AFF3: variants seen among roughly 807,000 people sequenced by gnomAD.
AFF3 encodes ALF transcription elongation factor 3, also known as AF4/FMR2 family member 3.
Under a neutral mutation model 129.7 loss-of-function variants are expected in AFF3, and 32 were observed. That is an observed-to-expected ratio of 0.25 (90% confidence interval 0.19 to 0.33). AFF3 has a LOEUF of 0.33. Ranked by LOEUF, AFF3 falls within the 10% of genes least tolerant of loss-of-function variation. AFF3 has a pLI of 1.00. For missense variants in AFF3, 1,373 were observed against 1,592.0 expected, an observed-to-expected ratio of 0.86 and a Z score of 2.34; for synonymous variants, 644 against 635.4, an observed-to-expected ratio of 1.01 and a Z score of -0.20.
chr2:99,795,178 C>A (rs148976441), intron 8 of AFF3, among the ~76,000 whole-genome samples: 2 of 152,236 alleles, frequency 1.3e-5, no homozygotes, highest in African/African-American at 4.8e-5. Flanking sequence ...CATATAAACA[C>A]ACACACACAC....
intron 2 of AFF3, among the ~76,000 whole-genome samples, chr2:100,122,812 C>T (rs911056456): frequency 2.6e-5 from 4 of 152,194 alleles, no homozygotes; most frequent in Admixed American, 1.3e-4. Context: ...CAATGAGAGA[C>T]TCTGAGAATA....
intron 4 of AFF3, among the ~76,000 whole-genome samples, chr2:100,064,757 G>T (rs1416173887): frequency 6.6e-6 from 1 of 152,192 alleles, no homozygotes; most frequent in Non-Finnish European, 1.5e-5. Context: ...TTCAATGCCT[G>T]CACTCACCTC....
chr2:99,577,843 A>G (rs1677145394), intron 18 of AFF3, among the ~76,000 whole-genome samples: 1 of 152,216 alleles, frequency 6.6e-6, no homozygotes, highest in African/African-American at 2.4e-5. Flanking sequence ...AAGTGCTAGA[A>G]TTGGGTGAAG....
chr2:99,764,277 T>C (rs1293558422), intron 8 of AFF3, among the ~76,000 whole-genome samples: 1 of 152,094 alleles, frequency 6.6e-6, no homozygotes, highest in Non-Finnish European at 1.5e-5. Flanking sequence ...ACCTTTCACC[T>C]CCTTGACTTC....
intron 8 of AFF3, among the ~76,000 whole-genome samples, chr2:99,822,964 T>C (rs1687802112): frequency 6.6e-6 from 1 of 152,172 alleles, no homozygotes; most frequent in Non-Finnish European, 1.5e-5. Flanking sequence ...TATCTCACTG[T>C]CTGGACAGAA....
intron 7 of AFF3, among the ~76,000 whole-genome samples, chr2:99,964,083 A>G (rs1677497459): frequency 6.6e-6 from 1 of 152,122 alleles, no homozygotes; most frequent in Non-Finnish European, 1.5e-5. Context: ...AACAATCCTA[A>G]AAGTATATGC....
At chr2:99,833,658 T>C (rs1215228129) in intron 8 of AFF3, among the ~76,000 whole-genome samples, 2 of 152,154 alleles carry the variant, frequency 1.3e-5, no homozygotes, top group African/African-American at 4.8e-5. Context: ...CCCCACCCAT[T>C]AAGTTATAAA....
chr2:99,802,896 C>T (rs1224142365), intron 8 of AFF3, among the ~76,000 whole-genome samples: 2 of 151,928 alleles, frequency 1.3e-5, no homozygotes, highest in Non-Finnish European at 2.9e-5. Context: ...AATCATATTA[C>T]CAGCAAAAAG....
intron 4 of AFF3, among the ~76,000 whole-genome samples, chr2:100,023,213 A>T (rs538819189): frequency 6.6e-6 from 1 of 152,350 alleles, no homozygotes; most frequent in East Asian, 1.9e-4. Context: ...TCACTGAGCC[A>T]GTAAGGATAA....
chr2:99,939,550 G>C (rs1674836695), intron 7 of AFF3, among the ~76,000 whole-genome samples: 1 of 152,086 alleles, frequency 6.6e-6, no homozygotes, highest in Non-Finnish European at 1.5e-5. Flanking sequence ...TGTATTTAAG[G>C]AACATTTAAA....
intron 12 of AFF3, among the ~76,000 whole-genome samples, chr2:99,665,827 A>G (rs540390148): frequency 6.6e-6 from 1 of 152,330 alleles, no homozygotes; most frequent in African/African-American, 2.4e-5. Context: ...GGCAGGACCC[A>G]AACCAGGAGA....
intron 4 of AFF3, among the ~76,000 whole-genome samples, chr2:100,082,571 A>G (rs914692994): frequency 6.6e-6 from 1 of 152,198 alleles, no homozygotes; most frequent in Admixed American, 6.5e-5. Flanking sequence ...CTCAGCAACA[A>G]AAAGTGCACT....
intron 7 of AFF3, among the ~76,000 whole-genome samples, chr2:99,940,609 G>A (rs958862276): frequency 6.6e-6 from 1 of 152,102 alleles, no homozygotes; most frequent in Admixed American, 6.5e-5. Flanking sequence ...TACCCTATAT[G>A]GTCTAATAAG....
intron 10 of AFF3, among the ~76,000 whole-genome samples, chr2:99,730,675 C>T (rs955634471): frequency 3.3e-5 from 5 of 151,710 alleles, no homozygotes; most frequent in East Asian, 2.0e-4. Context: ...CCACCATGCC[C>T]GGCTAATGTT....
Position 99,675,335 on chromosome 2 carries a change from C to T in AFF3, c.1092-2746G>A, listed in dbSNP as rs1351299389. 3.9e-5 allele frequency among the ~76,000 whole-genome samples: 6 copies of T among 152,100 alleles called. No individual in the cohort carries two copies. In the South Asian group the frequency reaches 8.3e-4, roughly 21 times the overall value. On this transcript the variant is annotated intron_variant, in intron 11 of 24. Transcript: ENST00000672756. The stretch of plus-strand genomic sequence containing the variant: ...ACTCACACAGCTTATACAACATTCC[C>T]GGAGCAATCCTGGGTGATGCTATTC...
intron 7 of AFF3, among the ~76,000 whole-genome samples, chr2:99,891,767 G>A (rs966399294): frequency 2.6e-5 from 4 of 152,190 alleles, no homozygotes; most frequent in African/African-American, 9.6e-5. Context: ...GCTCATAGTT[G>A]GTAGAGCCAG....
rs969460188 is a variant in AFF3 at position 99,689,128 on chromosome 2, C to T, written c.1092-16539G>A. 8.5e-5 allele frequency among the ~76,000 whole-genome samples: 13 copies of T among 152,166 alleles called. No individual in the cohort carries two copies. In the South Asian group the frequency reaches 1.2e-3, roughly 15 times the overall value. On this transcript the variant is annotated intron_variant, in intron 11 of 24. Transcript: ENST00000672756. ...TTCTCCATCCCTTGTGACGCTGCTT[C>T]GGTTTACATTTCATTTCTCACTGGC...
chr2:99,609,774 T>C (rs996757607), intron 13 of AFF3, among the ~76,000 whole-genome samples: 1 of 152,166 alleles, frequency 6.6e-6, no homozygotes, highest in Non-Finnish European at 1.5e-5. Flanking sequence ...GTAACTACAG[T>C]ACAATACCAA....
At chr2:100,115,830 T>C (rs916879354) in intron 2 of AFF3, among the ~76,000 whole-genome samples, 7 of 152,238 alleles carry the variant, frequency 4.6e-5, no homozygotes. Context: ...TTTATGTTTA[T>C]AATTGAAGGG....
Sources: gnomAD v4.1 joint callset for allele counts (sites outside exome capture counted in the v4.1 genomes callset) on GRCh38, gnomAD v4.1.1 for gene constraint, MANE v1.5 for transcripts, NCBI Gene and HGNC (gene_info 2026-07-23, HGNC 2026-07-21) for gene names.